Variants in ARHGAP42 observed in about 807,000 individuals in gnomAD.
ARHGAP42 encodes rho GTPase-activating protein 42.
In ARHGAP42, 63 loss-of-function variants were observed where a neutral mutation model predicts 125.0. The observed-to-expected ratio is 0.50, with a 90% CI of 0.41 to 0.62. The LOEUF (loss-of-function observed/expected upper bound fraction) is 0.62. ARHGAP42 is among the 20% of genes least tolerant of loss of function. The probability of loss-of-function intolerance (pLI) is 0.00; values close to 1 mark genes in which losing one functional copy is unlikely to be tolerated. For synonymous variants in ARHGAP42, 339 were observed against 351.0 expected (o/e 0.97, Z 0.38); for missense variants, 766 against 1,024.2 (o/e 0.75, Z 3.44).
intron 1 of ARHGAP42, among the ~76,000 whole-genome samples, chr11:100,716,797 ACC>A (rs1320513478): frequency 6.6e-6 from 1 of 152,054 alleles, no homozygotes; most frequent in Non-Finnish European, 1.5e-5. Flanking sequence ...GGAACCTCTG[ACC>A]CCCTTTAAAT....
rs1217094436 is a variant in ARHGAP42 at position 100,903,710 on chromosome 11, ATATATATATATATATATATATAT to A, written c.385-9741_385-9719del. Among the ~76,000 whole-genome samples the A allele has an allele frequency of 8.9e-5, 5 of 56,410 alleles. 1 individual carries two copies. The highest frequency in any genetic ancestry group is 1.2e-4 in the African/African-American group (2 of 16,412). The allele number at this position is 56,410 out of a possible 152,430, so 37.0% of individuals were successfully genotyped here. ...TGTATATATATACATGTCCCTCAAA[ATATATATATATATATATATATAT>A]ATATATATATATATATATATATGTA... On this transcript the variant is annotated intron_variant, in intron 4 of 23. Coordinates refer to ENST00000298815, the MANE Select transcript of ARHGAP42 (RefSeq NM_152432.4).
At chr11:100,701,452 C>T (rs564952582) in intron 1 of ARHGAP42, among the ~76,000 whole-genome samples, 6 of 152,334 alleles carry the variant, frequency 3.9e-5, no homozygotes, top group African/African-American at 1.4e-4. Flanking sequence ...TCTGCTTCAT[C>T]CACATTGAAA....
chr11:100,794,222 C>T (rs1457779346), intron 2 of ARHGAP42, among the ~76,000 whole-genome samples: 1 of 149,608 alleles, frequency 6.7e-6, no homozygotes, highest in East Asian at 2.1e-4. Context: ...GGGTGAATTA[C>T]TCTTCCATAA....
chr11:100,932,483 T>C (rs1156851926), intron 6 of ARHGAP42, among the ~76,000 whole-genome samples: 1 of 152,178 alleles, frequency 6.6e-6, no homozygotes, highest in Non-Finnish European at 1.5e-5. Flanking sequence ...TGTCTTAATT[T>C]ATGGATAAAA....
At chr11:100,948,749 A>T (rs1868092699) in intron 11 of ARHGAP42, among the ~76,000 whole-genome samples, 1 of 152,036 alleles carries the variant, frequency 6.6e-6, no homozygotes, top group South Asian at 2.1e-4. Flanking sequence ...GACTTTTGGG[A>T]CTAATTTAAA....
intron 4 of ARHGAP42, among the ~76,000 whole-genome samples, chr11:100,913,139 G>A (rs753340033): frequency 1.1e-4 from 17 of 152,022 alleles, no homozygotes; most frequent in Non-Finnish European, 2.5e-4. Flanking sequence ...CTCTTGGTGG[G>A]ACTCTACTGT....
chr11:100,687,370 G>T lies in ARHGAP42; in HGVS notation c.-309G>T, dbSNP rs1469483994. On this transcript the variant is annotated 5_prime_UTR_variant, in exon 1 of 24. Transcript: ENST00000298815. ...GCCGTGAGAGAAACTTTCCTGCTCCGGCCGCGGCCCGGAGCCTCGCCGCCC... is the reference window on the plus strand; with the variant it reads ...GCCGTGAGAGAAACTTTCCTGCTCCTGCCGCGGCCCGGAGCCTCGCCGCCC... Among the ~76,000 whole-genome samples, 1 of 151,980 alleles carries T rather than the reference G, an allele frequency of 6.6e-6. No homozygotes were observed. Among genetic ancestry groups the T allele is most frequent in the African/African-American group, 2.4e-5 (1 of 41,400 alleles).
chr11:100,751,058 C>T (rs1862439346), intron 1 of ARHGAP42, among the ~76,000 whole-genome samples: 1 of 151,594 alleles, frequency 6.6e-6, no homozygotes, highest in African/African-American at 2.4e-5. Context: ...CCTGCCTCAG[C>T]CTCCTAAGTA....
chr11:100,958,802 A>T (rs1401181947), intron 12 of ARHGAP42, among the ~76,000 whole-genome samples: 2 of 152,034 alleles, frequency 1.3e-5, no homozygotes, highest in African/African-American at 4.8e-5. Context: ...TAGTACCTCT[A>T]GTTCCATTGT....
At chr11:100,795,637 C>T (rs950761215) in intron 3 of ARHGAP42, among the ~76,000 whole-genome samples, 7 of 152,144 alleles carry the variant, frequency 4.6e-5, no homozygotes, top group African/African-American at 1.7e-4. Flanking sequence ...ACAGGGAAAA[C>T]ATTCTAGATT....
At chr11:100,772,222 G>A (rs181965918) in intron 2 of ARHGAP42, among the ~76,000 whole-genome samples, 70 of 152,294 alleles carry the variant, frequency 4.6e-4, no homozygotes, top group Admixed American at 1.4e-3. Flanking sequence ...GAGAAGCTAA[G>A]CTGAATGAAT....
At chr11:100,772,162 C>T (rs965331737) in intron 2 of ARHGAP42, among the ~76,000 whole-genome samples, 3 of 152,094 alleles carry the variant, frequency 2.0e-5, no homozygotes, top group Non-Finnish European at 4.4e-5. Context: ...GCACAGACCT[C>T]GCTGTGAAAC....
chr11:100,953,457 T>A (rs1377349812), intron 12 of ARHGAP42, among the ~76,000 whole-genome samples: 1 of 152,196 alleles, frequency 6.6e-6, no homozygotes, highest in African/African-American at 2.4e-5. Context: ...AATCATAACA[T>A]CTGTGCCTTC....
intron 5 of ARHGAP42, 116 bp downstream of exon 5, chr11:100,913,669 A>G (rs1236413617): frequency 7.4e-6 from 3 of 404,158 alleles, no homozygotes; most frequent in Admixed American, 4.5e-5. Context: ...TATGATAGCA[A>G]TGGCTAAATT....
intron 17 of ARHGAP42, among the ~76,000 whole-genome samples, chr11:100,967,075 A>G (rs749491287): frequency 3.3e-4 from 51 of 152,314 alleles, no homozygotes; most frequent in Admixed American, 1.8e-3. Context: ...TGCTCACCGA[A>G]TGTGCATTCA....
In ARHGAP42 at chr11:100,962,286, T is replaced by A. The variant is rs940019620; in HGVS notation, c.1386-123T>A. 1.2e-5 allele frequency: 9 copies of A among 773,162 alleles called. No homozygotes were observed. The African/African-American group carries it at 1.4e-4, about 12-fold the overall frequency. The allele number at this position is 773,162 out of a possible 1,614,324, so 47.9% of individuals were successfully genotyped here. ...TCACCCAATTCTTTTATTTACTTATTTATGTGTTATTTTATTTTTAATTGA... is the reference window on the plus strand; with the variant it reads ...TCACCCAATTCTTTTATTTACTTATATATGTGTTATTTTATTTTTAATTGA... On this transcript the variant is annotated intron_variant, in intron 15 of 23. Coordinates refer to ENST00000298815, the MANE Select transcript of ARHGAP42 (RefSeq NM_152432.4).
intron 4 of ARHGAP42, among the ~76,000 whole-genome samples, chr11:100,867,114 A>G (rs1280240217): frequency 2.6e-5 from 4 of 152,220 alleles, no homozygotes; most frequent in Non-Finnish European, 4.4e-5. Context: ...TTTCTAGAGC[A>G]CAGGCAGAGT....
At chr11:100,689,262 C>T (rs6590808) in intron 1 of ARHGAP42, among the ~76,000 whole-genome samples, 24,246 of 152,128 alleles carry the variant, frequency 0.16, 2,004 homozygotes, top group East Asian at 0.25. Context: ...TACATAAACA[C>T]TAATGTGAAC....
chr11:100,795,025 C>A, intron 2 of ARHGAP42, 80 bp from the exon 3 acceptor site: 1 of 1,087,754 alleles, frequency 9.2e-7, no homozygotes, highest in Non-Finnish European at 1.3e-6. Flanking sequence ...AACCAGCTTT[C>A]TTGTAATGTT....
Sources: gnomAD v4.1 joint callset for allele counts (sites outside exome capture counted in the v4.1 genomes callset) on GRCh38, gnomAD v4.1.1 for gene constraint, MANE v1.5 for transcripts, NCBI Gene and HGNC (gene_info 2026-07-23, HGNC 2026-07-21) for gene names.